The following CPA6 variants were observed in gnomAD, a reference collection of about 807,000 sequenced individuals.
CPA6 encodes carboxypeptidase A6, also known as carboxypeptidase B.
Under a neutral mutation model 63.3 loss-of-function variants are expected in CPA6, and 58 were observed. The observed-to-expected ratio is 0.92, with a 90% CI of 0.74 to 1.14. CPA6 has a LOEUF of 1.14. CPA6 is among the 50% of genes most tolerant of loss of function. The pLI is 0.00. For synonymous variants in CPA6, 185 were observed against 179.0 expected, an observed-to-expected ratio of 1.03 and a Z score of -0.27; for missense variants, 565 against 526.6, an observed-to-expected ratio of 1.07 and a Z score of -0.71.
chr8:67,741,213 G>T (rs1373837172), intron 1 of CPA6, among the ~76,000 whole-genome samples: 1 of 152,170 alleles, frequency 6.6e-6, no homozygotes, highest in East Asian at 1.9e-4. Flanking sequence ...TTTGCAAGCA[G>T]ACCCAGTACA....
chr8:67,629,867 G>A (rs1815282478), intron 1 of CPA6, among the ~76,000 whole-genome samples: 1 of 152,048 alleles, frequency 6.6e-6, no homozygotes, highest in African/African-American at 2.4e-5. Context: ...AGTACTTTGG[G>A]AGGCCGAGGC....
At chr8:67,461,460 A>T (rs374470497) in intron 8 of CPA6, among the ~76,000 whole-genome samples, 2 of 150,884 alleles carry the variant, frequency 1.3e-5, no homozygotes, top group Non-Finnish European at 3.0e-5. Context: ...CATGTCTACT[A>T]CTTTCTACAC....
rs183640538 is a variant in CPA6, at chr8:67,651,011, G to C, written c.117-26760C>G. Among the ~76,000 whole-genome samples the C allele has an allele frequency of 1.2e-4, 18 of 152,290 alleles. No individual in the cohort carries two copies. In the East Asian group the frequency reaches 2.7e-3, roughly 23 times the overall value. ...AATAATCAGTGAGGGGATGTTAATA[G>C]TAGCAGTCTAAAATTAGCCACTGAG... On this transcript the variant is annotated intron_variant, in intron 1 of 10. Transcript: ENST00000297770.
intron 1 of CPA6, among the ~76,000 whole-genome samples, chr8:67,730,549 G>T (rs549820014): frequency 6.6e-6 from 1 of 152,268 alleles, no homozygotes; most frequent in East Asian, 1.9e-4. Flanking sequence ...CTTCCCTGGA[G>T]GTTGGGGGAT....
At chr8:67,705,719 T>G (rs571905870) in intron 1 of CPA6, among the ~76,000 whole-genome samples, 6 of 152,310 alleles carry the variant, frequency 3.9e-5, no homozygotes, top group Non-Finnish European at 7.4e-5. Flanking sequence ...TCCTGGTCAG[T>G]CCTAACTCAG....
At chr8:67,667,808 T>A (rs1412101223) in intron 1 of CPA6, among the ~76,000 whole-genome samples, 1 of 152,236 alleles carries the variant, frequency 6.6e-6, no homozygotes, top group Non-Finnish European at 1.5e-5. Context: ...CCCGCCCCAG[T>A]GGCTGCCAAG....
chr8:67,446,912 A>C (rs1254050546), intron 8 of CPA6, among the ~76,000 whole-genome samples: 7 of 152,170 alleles, frequency 4.6e-5, no homozygotes, highest in Admixed American at 6.5e-5. Context: ...TGTGTAAACA[A>C]ATACACATAG....
chr8:67,678,748 C>G (rs1359831795), intron 1 of CPA6, among the ~76,000 whole-genome samples: 2 of 152,180 alleles, frequency 1.3e-5, no homozygotes, highest in Non-Finnish European at 2.9e-5. Context: ...GCAATTCATA[C>G]CATATACCCA....
rs1263162468 is a variant in CPA6, at chr8:67,544,637, T to C, written c.193-26590A>G. Reference sequence around the variant, plus strand: ...AGATGACCTTTTTCTTGAGACATCATGCTGCTTTACGCTTTGCTAAATGTC... The same window carrying C: ...AGATGACCTTTTTCTTGAGACATCACGCTGCTTTACGCTTTGCTAAATGTC... On this transcript the variant is annotated intron_variant, in intron 2 of 10. Transcript: ENST00000297770. Among the ~76,000 whole-genome samples, 6 of 152,338 alleles carry C rather than the reference T, an allele frequency of 3.9e-5. 1 individual carries two copies. In the East Asian group the frequency reaches 9.6e-4, roughly 24 times the overall value.
intron 8 of CPA6, among the ~76,000 whole-genome samples, chr8:67,479,532 G>A (rs1238564212): frequency 6.6e-6 from 1 of 152,188 alleles, no homozygotes; most frequent in Non-Finnish European, 1.5e-5. Context: ...GGCAAAGGGA[G>A]AGTTTTCCCT....
intron 1 of CPA6, among the ~76,000 whole-genome samples, chr8:67,646,300 T>C (rs772987146): frequency 1.3e-5 from 2 of 152,258 alleles, no homozygotes; most frequent in Non-Finnish European, 2.9e-5. Context: ...ATGCCCTGTA[T>C]TTCCAGCTTC....
chr8:67,439,747 AT>A (rs1810247956), intron 8 of CPA6, among the ~76,000 whole-genome samples: 1 of 152,144 alleles, frequency 6.6e-6, no homozygotes. Context: ...GACTGATTTT[AT>A]TTTATTTATT....
At chr8:67,568,086 C>A (rs113936515) in intron 2 of CPA6, among the ~76,000 whole-genome samples, 25 of 152,188 alleles carry the variant, frequency 1.6e-4, no homozygotes, top group Admixed American at 1.6e-3. Context: ...TGAAAGCAAA[C>A]TCTGTCTGCC....
intron 2 of CPA6, among the ~76,000 whole-genome samples, chr8:67,520,128 T>C (rs1330685718): frequency 6.6e-6 from 1 of 151,888 alleles, no homozygotes; most frequent in Non-Finnish European, 1.5e-5. Context: ...AACAGTTTGC[T>C]GCCACCCCTT....
chr8:67,681,271 G>A (rs1438372130), intron 1 of CPA6, among the ~76,000 whole-genome samples: 4 of 135,216 alleles, frequency 3.0e-5, no homozygotes, highest in Non-Finnish European at 4.6e-5. Flanking sequence ...CTGCAGTGGC[G>A]CAATCTCGGC....
In CPA6 at chr8:67,608,718, C is replaced by T. The variant is rs568914814; in HGVS notation, c.192+15458G>A. ...ATACCCCTAGATGCTGCCATGGGGC[C>T]GGAGCCCAACAGCGCTCACCCCAGC... On this transcript the variant is annotated intron_variant, in intron 2 of 10. Coordinates refer to ENST00000297770, the MANE Select transcript of CPA6 (RefSeq NM_020361.5). 7.1e-4 allele frequency among the ~76,000 whole-genome samples: 108 copies of T among 152,304 alleles called. 1 individual carries two copies. The highest frequency in any genetic ancestry group is 3.9e-3 in the South Asian group (19 of 4,830).
chr8:67,698,774 G>C (rs1160207997), intron 1 of CPA6, among the ~76,000 whole-genome samples: 8 of 152,122 alleles, frequency 5.3e-5, no homozygotes, highest in Non-Finnish European at 1.5e-5. Flanking sequence ...TTAGTGCCTG[G>C]GAAAGGCAAT....
chr8:67,544,898 C>T (rs914313448), intron 2 of CPA6, among the ~76,000 whole-genome samples: 22 of 152,256 alleles, frequency 1.4e-4, no homozygotes, highest in African/African-American at 5.3e-4. Flanking sequence ...CTTTTTCATC[C>T]TAGAAGCTAT....
rs1814956907 is a variant in CPA6 at position 67,616,548 on chromosome 8, T to TGG, written c.192+7627_192+7628insCC. On this transcript the variant is annotated intron_variant, in intron 2 of 10. Coordinates refer to ENST00000297770, the MANE Select transcript of CPA6 (RefSeq NM_020361.5). ...GTGTGTGTGTGTGTGTGTGTGTGTG[T>TGG]GTGTTGTGGGGGTTGTGGGGAATAG... Among the ~76,000 whole-genome samples, 3 of 130,036 alleles carry TGG rather than the reference T, an allele frequency of 2.3e-5. No homozygotes were observed. In the South Asian group the frequency reaches 7.0e-4, roughly 30 times the overall value. 85.3% of individuals were successfully genotyped at this position (130,036 alleles called of 152,430 possible). A position where few individuals can be genotyped will look rare whatever the true frequency, so the allele number is the denominator to read the frequency against.
Sources: gnomAD v4.1 joint callset for allele counts (sites outside exome capture counted in the v4.1 genomes callset) on GRCh38, gnomAD v4.1.1 for gene constraint, MANE v1.5 for transcripts, NCBI Gene and HGNC (gene_info 2026-07-23, HGNC 2026-07-21) for gene names.